Variants in PCDH15 observed in about 807,000 individuals in gnomAD.
PCDH15 encodes the protein protocadherin-15.
Under a neutral mutation model 178.5 loss-of-function variants are expected in PCDH15, and 129 were observed. That is an observed-to-expected ratio of 0.72 (90% CI 0.63 to 0.84). The LOEUF (loss-of-function observed/expected upper bound fraction) is 0.84. PCDH15 is among the 40% of genes least tolerant of loss of function. PCDH15 has a pLI of 0.00. For missense variants in PCDH15, 2,230 were observed against 2,099.9 expected, an observed-to-expected ratio of 1.06 and a Z score of -1.21; for synonymous variants, 800 against 732.0, an observed-to-expected ratio of 1.09 and a Z score of -1.50.
intron 2 of PCDH15, among the ~76,000 whole-genome samples, chr10:55,559,124 C>T (rs949292359): frequency 2.6e-5 from 4 of 152,038 alleles, no homozygotes; most frequent in Non-Finnish European, 5.9e-5. Context: ...CCCTACACTT[C>T]CACCTTACAT....
intron 3 of PCDH15, among the ~76,000 whole-genome samples, chr10:54,812,860 A>G (rs1195128164): frequency 2.6e-5 from 4 of 152,096 alleles, no homozygotes; most frequent in Non-Finnish European, 4.4e-5. Flanking sequence ...CAGCCTCCCA[A>G]AGTGCTTCCT....
intron 18 of PCDH15, among the ~76,000 whole-genome samples, chr10:54,038,768 C>CAGA (rs2093474572): frequency 6.6e-6 from 1 of 151,928 alleles, no homozygotes; most frequent in Non-Finnish European, 1.5e-5. Flanking sequence ...TCATAACAAG[C>CAGA]CTCTATCTTG....
At position 55,193,329 on chromosome 10, in the gene PCDH15, T is replaced by C. The variant is rs560398753; in HGVS notation, c.-155-26678A>G. On this transcript the variant is annotated intron_variant, in intron 1 of 5. Coordinates refer to the PCDH15 transcript ENST00000458638. ...TATGTTCATTTACCTTGATTATATT[T>C]AGATTTCAAGCCAGCTGTTGTATCA... 3.3e-5 allele frequency among the ~76,000 whole-genome samples: 5 copies of C among 152,112 alleles called. No homozygotes were observed. The East Asian group carries it at 9.7e-4, about 29-fold the overall frequency.
intron 2 of PCDH15, among the ~76,000 whole-genome samples, chr10:54,985,857 G>A (rs1161897810): frequency 6.6e-6 from 1 of 152,216 alleles, no homozygotes. Flanking sequence ...TAATAATAAA[G>A]TGAACACACT....
chr10:55,126,331 G>A (rs570400446), intron 2 of PCDH15, among the ~76,000 whole-genome samples: 5 of 152,204 alleles, frequency 3.3e-5, no homozygotes, highest in African/African-American at 9.6e-5. Context: ...TATAAACCTT[G>A]TCCAAAATCT....
intron 1 of PCDH15, among the ~76,000 whole-genome samples, chr10:54,697,144 G>A (rs1453033922): frequency 6.6e-6 from 1 of 151,970 alleles, no homozygotes; most frequent in Non-Finnish European, 1.5e-5. Flanking sequence ...TTTATTTGTA[G>A]TTACTACAGA....
chr10:54,663,300 A>C (rs2094519805), intron 2 of PCDH15, among the ~76,000 whole-genome samples: 1 of 151,838 alleles, frequency 6.6e-6, no homozygotes, highest in Admixed American at 6.6e-5. Context: ...ATGCCAAACA[A>C]ATCTTGAATA....
In PCDH15 at chr10:53,840,377, G is replaced by C. The variant is rs183552230; in HGVS notation, c.3926C>G (p.Thr1309Ser). 1.2e-6 allele frequency: 2 copies of C among 1,614,058 alleles called. No individual in the cohort carries two copies. Among genetic ancestry groups the C allele is most frequent in the African/African-American group, 1.3e-5 (1 of 74,928 alleles). ...SLEDYTKCDL[T>S]VYAIDPQTNR... is the part of the protein sequence containing the mutation. ...GGTTTGGGGGTCAATTGCATAGACA[G>C]TCAAGTCACATTTGGTGTAATCTTC... Residue 1309 changes from threonine (T) to serine (S), a missense_variant, in exon 29 of 38, where the codon ACT becomes AGT. Coordinates refer to ENST00000644397, the MANE Select transcript of PCDH15 (RefSeq NM_001384140.1).
intron 2 of PCDH15, among the ~76,000 whole-genome samples, chr10:54,900,681 G>T (rs1954624246): frequency 6.6e-6 from 1 of 152,088 alleles, no homozygotes; most frequent in African/African-American, 2.4e-5. Flanking sequence ...GTTTATATAT[G>T]ACAATGTATA....
intron 2 of PCDH15, among the ~76,000 whole-genome samples, chr10:55,392,218 C>T (rs1045281512): frequency 9.2e-5 from 14 of 152,088 alleles, no homozygotes; most frequent in African/African-American, 2.7e-4. Flanking sequence ...GCAAGAATTA[C>T]TAAAATGTGG....
intron 2 of PCDH15, among the ~76,000 whole-genome samples, chr10:54,945,708 T>G (rs765786114): frequency 2.0e-5 from 3 of 151,846 alleles, no homozygotes; most frequent in African/African-American, 7.2e-5. Context: ...CATTGGAGTT[T>G]AAATGGCTGG....
intron 1 of PCDH15, among the ~76,000 whole-genome samples, chr10:55,200,422 T>C (rs941991079): frequency 1.1e-4 from 16 of 152,128 alleles, no homozygotes; most frequent in African/African-American, 3.4e-4. Context: ...TGTAGCCTCA[T>C]TGTATCATGG....
At chr10:55,160,484 A>G (rs560886217) in intron 2 of PCDH15, among the ~76,000 whole-genome samples, 1 of 152,008 alleles carries the variant, frequency 6.6e-6, no homozygotes, top group Non-Finnish European at 1.5e-5. Flanking sequence ...TACTTAACAC[A>G]TGTGCTATGT....
intron 2 of PCDH15, among the ~76,000 whole-genome samples, chr10:55,480,417 G>C (rs1184844352): frequency 2.0e-5 from 3 of 151,602 alleles, no homozygotes; most frequent in African/African-American, 7.3e-5. Context: ...CAGTTTTCAA[G>C]GGGAATGCTC....
At chr10:54,363,724 A>C (rs1017340544) in intron 5 of PCDH15, among the ~76,000 whole-genome samples, 1 of 152,144 alleles carries the variant, frequency 6.6e-6, no homozygotes, top group Non-Finnish European at 1.5e-5. Flanking sequence ...ATCTACCAAC[A>C]ATGTATGAAA....
intron 2 of PCDH15, among the ~76,000 whole-genome samples, chr10:55,087,032 C>T (rs1407870432): frequency 1.3e-5 from 2 of 151,944 alleles, no homozygotes; most frequent in Non-Finnish European, 2.9e-5. Context: ...CAAAGTTTTA[C>T]AAACCAAAAG....
intron 2 of PCDH15, among the ~76,000 whole-genome samples, chr10:55,077,934 T>A (rs1353032155): frequency 6.6e-6 from 1 of 152,202 alleles, no homozygotes; most frequent in Non-Finnish European, 1.5e-5. Flanking sequence ...CTTTTGTATA[T>A]TCTCATGATG....
intron 36 of PCDH15, 33 bp from the exon 37 acceptor site, chr10:53,810,697 G>T (rs751073301): frequency 1.3e-6 from 2 of 1,557,816 alleles, no homozygotes; most frequent in South Asian, 1.1e-5. Flanking sequence ...TAAACAGTTT[G>T]TCATGTGATT....
intron 2 of PCDH15, among the ~76,000 whole-genome samples, chr10:55,560,865 TATAAC>T (rs78240742): frequency 0.036 from 5,402 of 151,892 alleles, 368 homozygotes; most frequent in East Asian, 0.31. Context: ...ATAAGGGAAA[TATAAC>T]ATATAAATAA....
Sources: allele counts gnomAD v4.1 joint callset (sites outside exome capture counted in the v4.1 genomes callset), GRCh38; gene constraint gnomAD v4.1.1; transcripts MANE v1.5; gene names NCBI Gene and HGNC (gene_info 2026-07-23, HGNC 2026-07-21).